CCDC38: variants seen among roughly 807,000 people sequenced by gnomAD.
CCDC38 encodes coiled-coil domain containing 38.
CCDC38 carries 69 observed loss-of-function variants against 72.8 expected under a neutral mutation model. The ratio of observed to expected loss-of-function variants is 0.95; its 90% confidence interval spans 0.78 to 1.16. CCDC38 has a LOEUF of 1.16. Ranked by LOEUF, CCDC38 falls within the 50% of genes most tolerant of loss-of-function variation. The pLI, the probability that CCDC38 is intolerant of heterozygous loss-of-function variation, is 0.00. For missense variants in CCDC38, 626 were observed against 638.9 expected, an observed-to-expected ratio of 0.98 and a Z score of 0.22; for synonymous variants, 201 against 213.2, an observed-to-expected ratio of 0.94 and a Z score of 0.50.
chr12:95,916,420 T>TTCCTTCCTTCCTTCCTTCCTTCCTTC (rs1565961062), intron 4 of CCDC38, among the ~76,000 whole-genome samples: 2 of 126,112 alleles, frequency 1.6e-5, no homozygotes, highest in South Asian at 2.6e-4. Context: ...TTCCTTCCTT[T>TTCCTTCCTTCCTTCCTTCCTTCCTTC]TTTCCCTTCT....
chr12:95,887,171 C>T (rs1232755562), intron 10 of CCDC38, among the ~76,000 whole-genome samples: 2 of 151,506 alleles, frequency 1.3e-5, no homozygotes, highest in Non-Finnish European at 1.5e-5. Context: ...GGTGACAGAG[C>T]GAGACTCCAT....
intron 15 of CCDC38, among the ~76,000 whole-genome samples, chr12:95,868,146 G>C (rs1008886664): frequency 6.6e-6 from 1 of 152,184 alleles, no homozygotes; most frequent in Non-Finnish European, 1.5e-5. Context: ...AACTGGGTCA[G>C]CTTCTATCAG....
intron 5 of CCDC38, among the ~76,000 whole-genome samples, chr12:95,901,416 C>T (rs761846548): frequency 3.3e-5 from 5 of 152,024 alleles, no homozygotes; most frequent in Non-Finnish European, 7.4e-5. Context: ...ATTACAGTTG[C>T]ATCTGTGAGC....
chr12:95,893,344 C>T (rs2079849181), intron 8 of CCDC38, among the ~76,000 whole-genome samples: 1 of 151,622 alleles, frequency 6.6e-6, no homozygotes, highest in African/African-American at 2.4e-5. Flanking sequence ...CCTTCCCTTC[C>T]CTTCCATTCC....
intron 13 of CCDC38, 149 bp from the exon 14 acceptor site, chr12:95,872,609 C>CT (rs2079593583): frequency 1.6e-6 from 1 of 619,930 alleles, no homozygotes; most frequent in Non-Finnish European, 2.7e-6. Context: ...GAGTCTCACT[C>CT]TGTCACCCAG....
intron 2 of CCDC38, chr12:95,935,250 T>A (rs2080380832): frequency 6.6e-6 from 1 of 152,284 alleles, no homozygotes; most frequent in Non-Finnish European, 1.5e-5. Flanking sequence ...ACCCCCAATA[T>A]CCATTCTTCC....
rs144326883 is a variant in CCDC38, at chr12:95,889,736, G to C, written c.871+1096C>G. ...TGCAAACTCAGATGGATACAGGGAA[G>C]GGCAGGTAAAGGAGTGGAGTGGACC... is the stretch of plus-strand genomic sequence containing the variant. On this transcript the variant is annotated intron_variant, in intron 9 of 15. Transcript: ENST00000344280. Among the ~76,000 whole-genome samples the C allele has an allele frequency of 3.7e-4, 56 of 152,222 alleles. 1 individual carries two copies. The highest frequency in any genetic ancestry group is 5.0e-4 in the Non-Finnish European group (34 of 68,030).
chr12:95,932,004 G>A (rs1307250455), intron 2 of CCDC38, among the ~76,000 whole-genome samples: 1 of 152,108 alleles, frequency 6.6e-6, no homozygotes, highest in Non-Finnish European at 1.5e-5. Context: ...TAGCTGGAGT[G>A]AAATAAATGG....
At chr12:95,884,290 A>G (rs1019780044) in intron 10 of CCDC38, among the ~76,000 whole-genome samples, 4 of 152,260 alleles carry the variant, frequency 2.6e-5, no homozygotes, top group Admixed American at 2.0e-4. Context: ...CAATGACTGC[A>G]TGGACACCAA....
intron 10 of CCDC38, among the ~76,000 whole-genome samples, chr12:95,887,393 C>T (rs924711121): frequency 7.9e-5 from 12 of 152,146 alleles, no homozygotes; most frequent in African/African-American, 2.9e-4. Context: ...AACTGTAGCA[C>T]GTCCATACCA....
chr12:95,889,345 TA>T (rs563669018), intron 9 of CCDC38, among the ~76,000 whole-genome samples: 9 of 152,158 alleles, frequency 5.9e-5, no homozygotes, highest in Non-Finnish European at 1.3e-4. Flanking sequence ...TAACATGTAC[TA>T]CTAAAAAGTA....
At chr12:95,889,522 C>T (rs1166183425) in intron 9 of CCDC38, among the ~76,000 whole-genome samples, 1 of 152,122 alleles carries the variant, frequency 6.6e-6, no homozygotes, top group Non-Finnish European at 1.5e-5. Flanking sequence ...GCCAAAGTGG[C>T]CTCACAACAC....
chr12:95,925,594 A>G (rs1487588172), intron 2 of CCDC38, among the ~76,000 whole-genome samples: 10 of 152,184 alleles, frequency 6.6e-5, no homozygotes, highest in African/African-American at 2.2e-4. Context: ...AGTAGTGGTG[A>G]GAGAGGGCAT....
chr12:95,883,380 T>C (rs1471313796), intron 10 of CCDC38, among the ~76,000 whole-genome samples: 3 of 152,210 alleles, frequency 2.0e-5, no homozygotes, highest in Non-Finnish European at 4.4e-5. Context: ...TCCCTGCTCA[T>C]GGTGCAGTGC....
intron 5 of CCDC38, among the ~76,000 whole-genome samples, chr12:95,902,655 C>A (rs1008830283): frequency 5.9e-5 from 9 of 152,084 alleles, no homozygotes; most frequent in African/African-American, 2.2e-4. Flanking sequence ...CTACATTGGG[C>A]TACTTCAAAT....
chr12:95,929,443 ACTCC>A (rs890984534), intron 2 of CCDC38, among the ~76,000 whole-genome samples: 2 of 151,878 alleles, frequency 1.3e-5, no homozygotes, highest in African/African-American at 4.8e-5. Context: ...ACTGTCTGGC[ACTCC>A]CTAGTGAGAT....
intron 2 of CCDC38, among the ~76,000 whole-genome samples, chr12:95,930,454 A>G (rs1156842102): frequency 6.6e-6 from 1 of 151,884 alleles, no homozygotes; most frequent in African/African-American, 2.4e-5. Context: ...TAGATCCATC[A>G]CTCCAATCTC....
intron 1 of CCDC38, among the ~76,000 whole-genome samples, chr12:95,939,665 C>G (rs1434374682): frequency 6.6e-6 from 1 of 152,160 alleles, no homozygotes; most frequent in Non-Finnish European, 1.5e-5. Flanking sequence ...TTGGGAAGAT[C>G]AGAGGCTCAT....
intron 14 of CCDC38, among the ~76,000 whole-genome samples, chr12:95,870,075 ACCT>A (rs750917778): frequency 1.4e-4 from 22 of 151,970 alleles, no homozygotes; most frequent in Non-Finnish European, 2.6e-4. Context: ...GCCCACCTTG[ACCT>A]CCTAAACATT....
Sources: allele counts gnomAD v4.1 joint callset (sites outside exome capture counted in the v4.1 genomes callset), GRCh38; gene constraint gnomAD v4.1.1; transcripts MANE v1.5; gene names NCBI Gene and HGNC (gene_info 2026-07-23, HGNC 2026-07-21).